The following KATNAL2 variants were observed in gnomAD, a reference collection of about 807,000 sequenced individuals.
KATNAL2 encodes katanin catalytic subunit A1 like 2.
KATNAL2 carries 52 observed loss-of-function variants against 76.3 expected under a neutral mutation model. The ratio of observed to expected loss-of-function variants is 0.68; its 90% CI spans 0.55 to 0.86. The LOEUF is 0.86. Among genes scored for constraint, KATNAL2 ranks in the 40% least tolerant of loss-of-function variants. KATNAL2 has a pLI of 0.00. For synonymous variants in KATNAL2, 243 were observed against 244.2 expected, an observed-to-expected ratio of 1.00 and a Z score of 0.05; for missense variants, 660 against 668.9, an observed-to-expected ratio of 0.99 and a Z score of 0.15.
chr18:47,089,911 TA>T (rs201452881), intron 15 of KATNAL2, among the ~76,000 whole-genome samples: 115 of 150,714 alleles, frequency 7.6e-4, no homozygotes, highest in East Asian at 1.6e-3. Flanking sequence ...GTATTTCTTT[TA>T]AAAAAAAAAT....
chr18:47,076,715 T>A (rs560121376), intron 14 of KATNAL2: 1 of 151,408 alleles, frequency 6.6e-6, no homozygotes. Flanking sequence ...ATTATAGTTA[T>A]GGGCAAATGA....
At chr18:47,081,719 T>C (rs1039886551) in intron 15 of KATNAL2, among the ~76,000 whole-genome samples, 2 of 152,200 alleles carry the variant, frequency 1.3e-5, no homozygotes, top group Non-Finnish European at 2.9e-5. Flanking sequence ...CCCCTACTGT[T>C]AGGTGTGGTC....
At chr18:47,099,090 TATTA>T in intron 15 of KATNAL2, 149 bp from the exon 16 acceptor site, 1 of 621,116 alleles carries the variant, frequency 1.6e-6, no homozygotes, top group South Asian at 3.1e-5. Flanking sequence ...CTCCAAATAA[TATTA>T]ATTGTCCCAT....
chr18:46,941,747 AG>A (rs2059252603), intron 1 of KATNAL2, among the ~76,000 whole-genome samples: 1 of 152,222 alleles, frequency 6.6e-6, no homozygotes, highest in African/African-American at 2.4e-5. Flanking sequence ...TATCCTAAAA[AG>A]GCTCTGTTTA....
chr18:47,059,997 A>AT (rs34651069), intron 8 of KATNAL2, among the ~76,000 whole-genome samples: 58,795 of 146,156 alleles, frequency 0.4, 11,806 homozygotes, highest in Middle Eastern at 0.56. Context: ...CGTTCTCATC[A>AT]TTTTTTTTTT....
intron 1 of KATNAL2, among the ~76,000 whole-genome samples, chr18:46,927,837 G>A (rs536088988): frequency 4.9e-4 from 74 of 151,680 alleles, no homozygotes; most frequent in Middle Eastern, 3.4e-3. Flanking sequence ...CATTCATTTC[G>A]TGTTCCATCA....
At chr18:46,939,673 A>T (rs1222188228) in intron 1 of KATNAL2, among the ~76,000 whole-genome samples, 1 of 152,234 alleles carries the variant, frequency 6.6e-6, no homozygotes, top group Non-Finnish European at 1.5e-5. Flanking sequence ...AAGTCCATCC[A>T]TTAGTCAGAG....
At chr18:46,928,088 CAA>C (rs1472906961) in intron 1 of KATNAL2, among the ~76,000 whole-genome samples, 2 of 152,224 alleles carry the variant, frequency 1.3e-5, no homozygotes, top group African/African-American at 4.8e-5. Flanking sequence ...CTCAACTCGT[CAA>C]AGTCATTCTC....
chr18:46,947,013 C>A, intron 3 of KATNAL2, 90 bp downstream of exon 3: 1 of 914,934 alleles, frequency 1.1e-6, no homozygotes, highest in Non-Finnish European at 1.7e-6. Flanking sequence ...GTTGCTATGG[C>A]GACAGAGTCC....
At chr18:47,054,698 TA>T (rs2061424107) in intron 6 of KATNAL2, 1 of 414,834 alleles carries the variant, frequency 2.4e-6, no homozygotes, top group Non-Finnish European at 4.3e-6. Context: ...TGAAAAGTCT[TA>T]ACCTCAAAGG....
chr18:46,919,261 C>T (rs1316759923), intron 1 of KATNAL2, among the ~76,000 whole-genome samples: 2 of 151,602 alleles, frequency 1.3e-5, no homozygotes, highest in African/African-American at 2.4e-5. Context: ...CAGAGGCGGG[C>T]GGATCACCTG....
chr18:47,035,454 C>G, intron 3 of KATNAL2: 2 of 1,271,550 alleles, frequency 1.6e-6, no homozygotes, highest in Non-Finnish European at 1.1e-6. Flanking sequence ...AACGGCCGTC[C>G]TTGCAGACAG....
chr18:47,075,935 T>G (rs370731738), intron 14 of KATNAL2, among the ~76,000 whole-genome samples: 10 of 152,250 alleles, frequency 6.6e-5, no homozygotes, highest in African/African-American at 2.4e-4. Flanking sequence ...GGAACACTTC[T>G]CAGACTGTAA....
At chr18:47,087,825 A>G (rs1164038165) in intron 15 of KATNAL2, among the ~76,000 whole-genome samples, 1 of 152,064 alleles carries the variant, frequency 6.6e-6, no homozygotes, top group Non-Finnish European at 1.5e-5. Flanking sequence ...TGTCCTGTAG[A>G]TACAAGTGAT....
At chr18:46,955,521 G>C (rs545336655) in intron 3 of KATNAL2, among the ~76,000 whole-genome samples, 2 of 151,000 alleles carry the variant, frequency 1.3e-5, no homozygotes, top group Non-Finnish European at 1.5e-5. Flanking sequence ...CGCGCCTGAC[G>C]CTTCCTTCCT....
chr18:47,032,541 T>G (rs2576050), intron 3 of KATNAL2: 19 of 203,744 alleles, frequency 9.3e-5, no homozygotes, highest in Admixed American at 5.3e-4. Flanking sequence ...AAGATCATGC[T>G]CAGCCTTTTA....
intron 14 of KATNAL2, among the ~76,000 whole-genome samples, chr18:47,076,965 T>C (rs2062265203): frequency 6.6e-6 from 1 of 151,968 alleles, no homozygotes; most frequent in Non-Finnish European, 1.5e-5. Flanking sequence ...GGTGTGAAAG[T>C]ACTTTCCTGT....
intron 15 of KATNAL2, among the ~76,000 whole-genome samples, chr18:47,088,129 G>A (rs966893208): frequency 2.6e-5 from 4 of 152,118 alleles, no homozygotes; most frequent in African/African-American, 4.8e-5. Context: ...CTGGTAGACC[G>A]CCTCTCCTCA....
At chr18:47,066,890 T>TATAA (rs1203346070) in intron 10 of KATNAL2, 131 bp from the exon 11 acceptor site, 3 of 146,196 alleles carry the variant, frequency 2.1e-5, no homozygotes, top group South Asian at 2.0e-4. Flanking sequence ...TATATATATA[T>TATAA]ATAATATGAA....
Sources: allele counts gnomAD v4.1 joint callset (sites outside exome capture counted in the v4.1 genomes callset), GRCh38; gene constraint gnomAD v4.1.1; transcripts MANE v1.5; gene names NCBI Gene and HGNC (gene_info 2026-07-23, HGNC 2026-07-21).